The following NADK variants were observed in gnomAD, a reference collection of about 807,000 sequenced individuals.
The protein encoded by NADK is NAD kinase.
Under a neutral mutation model 49.8 loss-of-function variants are expected in NADK, and 22 were observed. The ratio of observed to expected loss-of-function variants is 0.44; its 90% CI spans 0.32 to 0.63. The LOEUF (loss-of-function observed/expected upper bound fraction) is 0.63, where lower values mean the gene tolerates loss of function less well. NADK is among the 30% of genes least tolerant of loss of function. NADK has a pLI of 0.06. For synonymous variants in NADK, 268 were observed against 253.7 expected (o/e 1.06, Z -0.54); for missense variants, 438 against 609.4 (o/e 0.72, Z 2.96).
chr1:1,754,291 C>T lies in NADK; in HGVS notation c.936G>A (p.Gln312=). ...YLDGHLITTV[Q]GDGVIVSTPT... The stretch of plus-strand genomic sequence containing the variant: ...CAGTGCTGCGGGCCTTACCGTCGCC[C>T]TGCACCGTGGTGATGAGGTGTCCGT... Residue 312 remains glutamine (Q), a synonymous_variant, in exon 9 of 12, where the codon CAG becomes CAA. Transcript: ENST00000341426. This position sits in a 1 kb window ranked among gnomAD's most constrained non-coding sequence, Gnocchi z 4.3. The T allele has an allele frequency of 6.2e-7, 1 of 1,613,746 alleles. No individual in the cohort carries two copies. The highest frequency in any genetic ancestry group is 8.5e-7 in the Non-Finnish European group (1 of 1,179,950).
chr1:1,759,617 C>T, intron 3 of NADK: 2 of 1,210,316 alleles, frequency 1.7e-6, no homozygotes, highest in Non-Finnish European at 2.3e-6. Flanking sequence ...TGCCCCTCCA[C>T]AGCGGGGATG....
At chr1:1,763,098 C>T (rs1645777408) in intron 2 of NADK, among the ~76,000 whole-genome samples, 1 of 152,278 alleles carries the variant, frequency 6.6e-6, no homozygotes, top group East Asian at 1.9e-4. Context: ...CAGACAACCC[C>T]AGGAGAGCCG....
chr1:1,752,670 A>T lies in NADK; in HGVS notation c.*234T>A. 2 of 480,300 alleles carry T rather than the reference A, an allele frequency of 4.2e-6. No homozygotes were observed. Among genetic ancestry groups the T allele is most frequent in the Non-Finnish European group, 3.6e-6 (1 of 275,580 alleles). 29.8% of individuals were successfully genotyped at this position (480,300 alleles called of 1,614,324 possible). A position where few individuals can be genotyped will look rare whatever the true frequency, so the allele number is the denominator to read the frequency against. ...CAGGGACCCACCGCGGGGTGTCAGC[A>T]GGACAGAAGCACTCCCAGCCCATTT... On this transcript the variant is annotated 3_prime_UTR_variant, in exon 12 of 12. Coordinates refer to ENST00000341426, the MANE Select transcript of NADK (RefSeq NM_023018.5).
intron 1 of NADK, among the ~76,000 whole-genome samples, chr1:1,768,569 C>T (rs1205661902): frequency 1.3e-5 from 2 of 152,276 alleles, no homozygotes; most frequent in South Asian, 2.1e-4. Context: ...AAACAGAACA[C>T]CAGAGAGCTC....
chr1:1,755,550 T>A (rs1341205085), intron 6 of NADK, 74 bp from the exon 7 acceptor site: 1 of 1,104,852 alleles, frequency 9.1e-7, no homozygotes, highest in African/African-American at 1.5e-5. Flanking sequence ...CAGCAGCACC[T>A]CAGGAGGGAC....
chr1:1,779,879 T>G (rs1646321187), upstream of NADK: 2 of 152,280 alleles, frequency 1.3e-5, no homozygotes, highest in Non-Finnish European at 2.9e-5. Flanking sequence ...CTGAGTCCTC[T>G]GCAGCCCTTC....
intron 7 of NADK, 145 bp downstream of exon 7, chr1:1,755,229 C>A: frequency 2.9e-6 from 2 of 688,564 alleles, no homozygotes; most frequent in Non-Finnish European, 5.1e-6. Context: ...AAGGTTTGAA[C>A]CACTCAAGAT....
chr1:1,771,630 C>T (rs944925722), intron 1 of NADK, among the ~76,000 whole-genome samples: 1 of 152,134 alleles, frequency 6.6e-6, no homozygotes, highest in African/African-American at 2.4e-5. Context: ...GGTGATTCAA[C>T]ATGAGGAGGA....
In NADK at chr1:1,756,552, G is replaced by A. The variant is rs762862417; in HGVS notation, c.450C>T (p.Ser150=). ...TCTTCACTGCCCCAAAGCTTTCATC[G>A]CTGGCGATGGCAGGGTCTTCTAGCA... ...KKVLEDPAIA[S]DESFGAVKKK... is the part of the protein sequence containing the mutation. Residue 150 remains serine, a synonymous_variant, in exon 5 of 12, where the codon AGC becomes AGT. Transcript: ENST00000341426. The A allele has an allele frequency of 4.3e-6, 7 of 1,614,054 alleles. No individual in the cohort carries two copies. Among genetic ancestry groups the A allele is most frequent in the South Asian group, 1.1e-5 (1 of 91,090 alleles).
intron 1 of NADK, among the ~76,000 whole-genome samples, chr1:1,769,843 G>A (rs1278491692): frequency 2.0e-5 from 3 of 152,078 alleles, no homozygotes; most frequent in South Asian, 2.1e-4. Context: ...TTGGGAAGCC[G>A]AGGTGGGTGG....
rs1010501679 is a variant in NADK, at chr1:1,752,710, G to T, written c.*194C>A. The T allele has an allele frequency of 3.1e-6, 2 of 639,016 alleles. No individual in the cohort carries two copies. The highest frequency in any genetic ancestry group is 5.1e-6 in the Non-Finnish European group (2 of 391,990). The allele number at this position is 639,016 out of a possible 1,614,324, so 39.6% of individuals were successfully genotyped here. A position where few individuals can be genotyped will look rare whatever the true frequency, so the allele number is the denominator to read the frequency against. ...CCAGCCCATTTCTCACGCTTCTTTA[G>T]AAATGCAAAAAAAGTCAGACATTTT... On this transcript the variant is annotated 3_prime_UTR_variant, in exon 12 of 12. Transcript: ENST00000341426.
At chr1:1,771,426 G>A (rs1646049266) in intron 1 of NADK, among the ~76,000 whole-genome samples, 1 of 152,134 alleles carries the variant, frequency 6.6e-6, no homozygotes, top group African/African-American at 2.4e-5. Context: ...AAAGTATCTA[G>A]ACCAGCTGAA....
At chr1:1,772,000 G>C (rs1048691700) in intron 1 of NADK, among the ~76,000 whole-genome samples, 1 of 151,152 alleles carries the variant, frequency 6.6e-6, no homozygotes, top group Non-Finnish European at 1.5e-5. Flanking sequence ...GTGGAGATGG[G>C]GTCTCCCTAT....
At chr1:1,767,581 C>T (rs1645924964) in intron 1 of NADK, among the ~76,000 whole-genome samples, 2 of 152,208 alleles carry the variant, frequency 1.3e-5, no homozygotes, top group South Asian at 4.1e-4. Flanking sequence ...CATACCTTCT[C>T]ATTAAAGAAG....
intron 1 of NADK, among the ~76,000 whole-genome samples, chr1:1,775,387 C>T (rs1646183194): frequency 6.6e-6 from 1 of 152,156 alleles, no homozygotes; most frequent in African/African-American, 2.4e-5. Flanking sequence ...AACATTCAAC[C>T]TCAACCCTGA....
chr1:1,775,445 C>T (rs143319789), intron 1 of NADK, among the ~76,000 whole-genome samples: 1 of 152,298 alleles, frequency 6.6e-6, no homozygotes, highest in African/African-American at 2.4e-5. Flanking sequence ...CATCTCACCC[C>T]GGTAAATAAT....
intron 1 of NADK, among the ~76,000 whole-genome samples, chr1:1,773,731 A>T (rs1278507897): frequency 3.3e-4 from 48 of 145,980 alleles, no homozygotes; most frequent in African/African-American, 6.6e-4. Context: ...TGTGTGTGTG[A>T]GAGAGAGAGA....
chr1:1,775,250 T>C (rs1189150357), intron 1 of NADK, among the ~76,000 whole-genome samples: 1 of 152,080 alleles, frequency 6.6e-6, no homozygotes, highest in Non-Finnish European at 1.5e-5. Flanking sequence ...GCAAAGAACA[T>C]GAACAAAAGT....
rs549885379 is a variant in NADK, at chr1:1,773,331, G to A, written c.-41+4958C>T. ...ATTTTTGTATTTTAAGTAGAGATGGGGTTTCACCATGTTGACCAGGTTGGT... is the reference window on the plus strand; with the variant it reads ...ATTTTTGTATTTTAAGTAGAGATGGAGTTTCACCATGTTGACCAGGTTGGT... On this transcript the variant is annotated intron_variant, in intron 1 of 11. Coordinates refer to ENST00000341426, the MANE Select transcript of NADK (RefSeq NM_023018.5). Among the ~76,000 whole-genome samples the A allele has an allele frequency of 3.6e-5, 4 of 110,174 alleles. No homozygotes were observed. In the South Asian group the frequency reaches 1.0e-3, roughly 29 times the overall value. 72.3% of individuals were successfully genotyped at this position (110,174 alleles called of 152,430 possible).
Sources: allele counts gnomAD v4.1 joint callset (sites outside exome capture counted in the v4.1 genomes callset), GRCh38; gene constraint gnomAD v4.1.1; non-coding constraint Gnocchi (gnomAD v3.1); transcripts MANE v1.5; gene names NCBI Gene and HGNC (gene_info 2026-07-23, HGNC 2026-07-21).